TMEM272: variants seen among roughly 807,000 people sequenced by gnomAD.
The protein encoded by TMEM272 is long intergenic non-protein coding RNA 282.
In TMEM272, 8 loss-of-function variants were observed where a neutral mutation model predicts 3.7. The observed-to-expected ratio is 2.17, with a 90% confidence interval of 1.27 to 3.91. TMEM272 has a LOEUF of 3.91. Among genes scored for constraint, TMEM272 ranks in the 30% most tolerant of loss-of-function variants. The pLI is 0.00. For synonymous variants in TMEM272, 63 were observed against 39.8 expected (o/e 1.58, Z -2.20); for missense variants, 166 against 91.5 (o/e 1.81, Z -3.32).
At chr13:51,906,177 T>A in the TMEM272 span, among the ~76,000 whole-genome samples, 1 of 152,206 alleles carries the variant, frequency 6.6e-6, no homozygotes, top group African/African-American at 2.4e-5. Context: ...CAGTACCCCC[T>A]GCAAAGGTTA....
chr13:51,895,695 C>G, the TMEM272 span, among the ~76,000 whole-genome samples: 1 of 152,222 alleles, frequency 6.6e-6, no homozygotes, highest in South Asian at 2.1e-4. Context: ...TACATCCCCC[C>G]ACCCTCTGCC....
At chr13:51,909,206 ATT>A in the TMEM272 span, 2 of 1,302,748 alleles carry the variant, frequency 1.5e-6, no homozygotes, top group Non-Finnish European at 2.2e-6. Context: ...TCCTTAAATC[ATT>A]GAGGTTTCTT....
chr13:51,817,112 A>C lies in TMEM272; in HGVS notation c.203T>G (p.Val68Gly), dbSNP rs1320565326. 1 of 698,702 alleles carries C rather than the reference A, an allele frequency of 1.4e-6. No homozygotes were observed. Among genetic ancestry groups the C allele is most frequent in the South Asian group, 1.5e-5 (1 of 67,508 alleles). The allele number at this position is 698,702 out of a possible 1,614,324, so 43.3% of individuals were successfully genotyped here. ...GGTGGAGTCGTACAACAGGAGAGAC[A>C]CCTGGGGCGTGGTGGGGAGCCAGGG... ...LVGGIVGTLK[V>G]SLLLYDSTRM... Residue 68 changes from valine (V) to glycine (G), a missense_variant and splice_region_variant, in exon 5 of 5, where the codon GTG (valine) becomes GGG (glycine). Physicochemically the swap from Val to Gly is moderately radical, Grantham distance 109. Coordinates refer to ENST00000629372, the MANE Select transcript of TMEM272 (RefSeq NM_001351003.2).
At chr13:51,840,798 A>C (rs957136246) in intron 1 of TMEM272, among the ~76,000 whole-genome samples, 3 of 152,260 alleles carry the variant, frequency 2.0e-5, no homozygotes, top group African/African-American at 7.2e-5. Flanking sequence ...ATGTTCTTGC[A>C]AAAACTGTGG....
At chr13:51,912,313 G>A in the TMEM272 span, among the ~76,000 whole-genome samples, 6 of 152,116 alleles carry the variant, frequency 3.9e-5, no homozygotes, top group Non-Finnish European at 8.8e-5. Context: ...TCCCATTCAC[G>A]CTTGTTCTTT....
the TMEM272 span, among the ~76,000 whole-genome samples, chr13:51,914,253 A>T: frequency 6.6e-6 from 1 of 152,196 alleles, no homozygotes; most frequent in African/African-American, 2.4e-5. Flanking sequence ...CTTGTCATAT[A>T]ATGCCTCATT....
the TMEM272 span, among the ~76,000 whole-genome samples, chr13:51,888,941 G>A: frequency 2.6e-5 from 4 of 151,964 alleles, no homozygotes; most frequent in East Asian, 1.9e-4. Flanking sequence ...CACTCTGCCC[G>A]GCCAGTTCTA....
the TMEM272 span, among the ~76,000 whole-genome samples, chr13:51,861,339 G>C: frequency 6.6e-6 from 1 of 152,104 alleles, no homozygotes; most frequent in Non-Finnish European, 1.5e-5. Flanking sequence ...TAAGAGAGTA[G>C]ATTGTGGGTG....
intron 4 of TMEM272, 140 bp from the exon 5 acceptor site, chr13:51,817,253 A>G: frequency 1.7e-6 from 1 of 592,738 alleles, no homozygotes; most frequent in Non-Finnish European, 3.0e-6. Context: ...AAAAGTGAAC[A>G]ACACACTGGA....
the TMEM272 span, among the ~76,000 whole-genome samples, chr13:51,917,972 C>T: frequency 2.0e-5 from 3 of 152,272 alleles, no homozygotes; most frequent in South Asian, 4.1e-4. Context: ...CCTCTCATTC[C>T]CTTCTGTCCC....
rs528312308 is a variant in TMEM272, at chr13:51,838,941, C to A, written c.-23-388G>T. 7.2e-5 allele frequency among the ~76,000 whole-genome samples: 11 copies of A among 152,270 alleles called. No individual in the cohort carries two copies. The East Asian group carries it at 1.9e-3, about 27-fold the overall frequency. On this transcript the variant is annotated intron_variant, in intron 1 of 4. Transcript: ENST00000629372. ...TCCTATCTGGGAAGTGTTACTGACT[C>A]TGTTTTACAGATGGCGCCTTAGAGA... is the stretch of plus-strand genomic sequence containing the variant.
the TMEM272 span, among the ~76,000 whole-genome samples, chr13:51,907,978 A>T: frequency 1.3e-5 from 2 of 152,252 alleles, no homozygotes; most frequent in African/African-American, 4.8e-5. Flanking sequence ...TACTGTTTAG[A>T]TAATAGTGGA....
upstream of TMEM272, among the ~76,000 whole-genome samples, chr13:51,849,937 T>G (rs897786699): frequency 6.6e-6 from 1 of 152,210 alleles, no homozygotes; most frequent in African/African-American, 2.4e-5. Context: ...AGAAACAGGA[T>G]GGACACAGTG....
chr13:51,878,619 T>C, the TMEM272 span, among the ~76,000 whole-genome samples: 8 of 152,280 alleles, frequency 5.3e-5, no homozygotes, highest in East Asian at 1.4e-3. Flanking sequence ...AGCCAGACCA[T>C]ATCACCTCTC....
the TMEM272 span, among the ~76,000 whole-genome samples, chr13:51,899,422 T>A: frequency 6.6e-6 from 1 of 152,188 alleles, no homozygotes; most frequent in Admixed American, 6.5e-5. Context: ...GTACTTCTAA[T>A]CAGCAACATT....
the TMEM272 span, among the ~76,000 whole-genome samples, chr13:51,930,222 T>G: frequency 1.3e-5 from 2 of 152,214 alleles, no homozygotes; most frequent in Non-Finnish European, 2.9e-5. Flanking sequence ...CGTCTCCATT[T>G]CAAAGGGCAA....
chr13:51,909,051 G>A, the TMEM272 span: 507 of 1,480,432 alleles, frequency 3.4e-4, 5 homozygotes, highest in African/African-American at 5.8e-3. Flanking sequence ...TTCAGATGAA[G>A]GCCGACCCAA....
intron 2 of TMEM272, among the ~76,000 whole-genome samples, chr13:51,830,300 C>T (rs1956162545): frequency 6.6e-6 from 1 of 152,224 alleles, no homozygotes; most frequent in South Asian, 2.1e-4. Flanking sequence ...TACCTCCCAG[C>T]AGGGCTGAGA....
At chr13:51,871,951 G>T in the TMEM272 span, among the ~76,000 whole-genome samples, 1 of 152,002 alleles carries the variant, frequency 6.6e-6, no homozygotes, top group South Asian at 2.1e-4. Flanking sequence ...ATCTTCCCCA[G>T]GGAATTTGAC....
Sources: allele counts gnomAD v4.1 joint callset (sites outside exome capture counted in the v4.1 genomes callset), GRCh38; gene constraint gnomAD v4.1.1; transcripts MANE v1.5; gene names NCBI Gene and HGNC (gene_info 2026-07-23, HGNC 2026-07-21).